The following SLC39A5 variants were observed in gnomAD, a reference collection of about 807,000 sequenced individuals.
SLC39A5 encodes solute carrier family 39 member 5.
Under a neutral mutation model 46.9 loss-of-function variants are expected in SLC39A5, and 42 were observed. That is an observed-to-expected ratio of 0.90 (90% CI 0.70 to 1.16). The LOEUF (loss-of-function observed/expected upper bound fraction) is 1.16. SLC39A5 is among the 50% of genes most tolerant of loss of function. SLC39A5 has a pLI of 0.00. For synonymous variants in SLC39A5, 311 were observed against 323.1 expected (o/e 0.96, Z 0.40); for missense variants, 677 against 686.8 (o/e 0.99, Z 0.16).
In SLC39A5 at chr12:56,235,225, C is replaced by G; in HGVS notation, c.703C>G (p.Arg235Gly). Residue 235 changes from arginine to glycine, a missense_variant, in exon 7 of 13, where the codon CGG becomes GGG. Arg to Gly is a moderately radical substitution (Grantham distance 125). Coordinates refer to ENST00000454355, the MANE Select transcript of SLC39A5 (RefSeq NM_173596.3). ...LPSPLSLLLL[R>G]LLGPRLLRPL... Reference sequence around the variant, plus strand: ...TTCTCCCCTATCCCTGCTGCTGCTGCGGCTCCTGGGACCTCGTCTACTACG... The same window carrying G: ...TTCTCCCCTATCCCTGCTGCTGCTGGGGCTCCTGGGACCTCGTCTACTACG... 2 of 1,584,898 alleles carry G rather than the reference C, an allele frequency of 1.3e-6. No individual in the cohort carries two copies. The highest frequency in any genetic ancestry group is 1.7e-6 in the Non-Finnish European group (2 of 1,167,118).
At chr12:56,232,615 A>T in intron 4 of SLC39A5, 74 bp from the exon 5 acceptor site, 1 of 1,395,984 alleles carries the variant, frequency 7.2e-7, no homozygotes, top group Non-Finnish European at 9.5e-7. Flanking sequence ...TTCCCCCTAA[A>T]ATCCCTGGGA....
At chr12:56,233,274 A>T (rs1870414318) in intron 5 of SLC39A5, among the ~76,000 whole-genome samples, 1 of 104,702 alleles carries the variant, frequency 9.6e-6, no homozygotes, top group African/African-American at 4.2e-5. Flanking sequence ...CAAAAAAAAA[A>T]AAAAAAAAAA....
At chr12:56,232,161 CTTTTT>C (rs767220492) in intron 4 of SLC39A5, among the ~76,000 whole-genome samples, 5,010 of 116,790 alleles carry the variant, frequency 0.043, 79 homozygotes, top group East Asian at 0.13. Flanking sequence ...CTTTTCTTTT[CTTTTT>C]TTTTTTTTTT....
chr12:56,237,111 C>T (rs768764585), intron 11 of SLC39A5, 39 bp from the exon 12 acceptor site: 13 of 1,612,690 alleles, frequency 8.1e-6, no homozygotes, highest in Non-Finnish European at 1.1e-5. Context: ...AGGGGCACCC[C>T]AGCTTACTCC....
chr12:56,237,686 A>T lies in SLC39A5; in HGVS notation c.1578A>T (p.Ile526=). ...TGGGGGGCGGCCTCATGCTTGCCAT[A>T]ACCCTGCTGGAGGAGCGGCTACTGC... ...LLLGGGLMLA[I]TLLEERLLPV... The change falls in exon 13 of 13, where the codon ATA becomes ATT. Residue 526 remains isoleucine, a synonymous_variant. Transcript: ENST00000454355. 2 of 1,600,990 alleles carry T rather than the reference A, an allele frequency of 1.2e-6. No homozygotes were observed. Among genetic ancestry groups the T allele is most frequent in the South Asian group, 1.1e-5 (1 of 89,672 alleles).
At chr12:56,235,778 C>T in intron 8 of SLC39A5, 78 bp downstream of exon 8, 2 of 1,586,174 alleles carry the variant, frequency 1.3e-6, no homozygotes, top group African/African-American at 1.3e-5. Flanking sequence ...GGCGCGGTGG[C>T]TCACGCCTGT....
Position 56,234,969 on chromosome 12 carries a change from C to T in SLC39A5, c.617C>T (p.Pro206Leu). The change falls in exon 6 of 13, where the codon CCA becomes CTA. Residue 206 changes from proline (P) to leucine (L), a missense_variant. Coordinates refer to ENST00000454355, the MANE Select transcript of SLC39A5 (RefSeq NM_173596.3). ...VCIGAPAPAP[P>L]GDLLSALLQS... is the part of the protein sequence containing the mutation. The stretch of plus-strand genomic sequence containing the variant: ...ATCGGCGCTCCGGCCCCTGCACCCC[C>T]AGGGGATCTACTATCTGGTCAGCAA... The T allele has an allele frequency of 1.2e-6, 2 of 1,613,450 alleles. No individual in the cohort carries two copies. Among genetic ancestry groups the T allele is most frequent in the South Asian group, 2.2e-5 (2 of 91,084 alleles).
chr12:56,232,847 C>A lies in SLC39A5; in HGVS notation c.446C>A (p.Ser149Ter). Residue 149 changes from serine to a stop codon, truncating the protein, a stop_gained, in exon 5 of 13, where the codon TCA becomes TAA. Transcript: ENST00000454355. LOFTEE classifies it high-confidence loss of function. ...CACAGGCTTCTGTTGCTGGACCACT[C>A]ATTGGCTGACCACCTGAATGAGGAT... ...LLHRLLLLDH[S>*]LADHLNEDCL... 1 of 1,612,188 alleles carries A rather than the reference C, an allele frequency of 6.2e-7. No individual in the cohort carries two copies. Among genetic ancestry groups the A allele is most frequent in the Non-Finnish European group, 8.5e-7 (1 of 1,179,234 alleles).
At chr12:56,231,623 C>T in intron 4 of SLC39A5, 62 bp downstream of exon 4, 2 of 1,471,896 alleles carry the variant, frequency 1.4e-6, no homozygotes, top group Non-Finnish European at 9.0e-7. Flanking sequence ...GTGCTTGCCC[C>T]CAGTTGCCTC....
rs565383795 is a variant in SLC39A5, at chr12:56,235,953, G to T, written c.945+253G>T. 4 of 516,264 alleles carry T rather than the reference G, an allele frequency of 7.7e-6. No individual in the cohort carries two copies. The South Asian group carries it at 8.7e-5, about 11-fold the overall frequency. 32.0% of individuals were successfully genotyped at this position (516,264 alleles called of 1,614,324 possible). On this transcript the variant is annotated intron_variant, in intron 8 of 12. Transcript: ENST00000454355. ...AGCTACTCAGGAGGCTGAGGCAGGA[G>T]AATCGCTTGACTTGGGAGGTGGAGG...
At position 56,231,439 on chromosome 12, in the gene SLC39A5, A is replaced by C. The variant is rs1870203778; in HGVS notation, c.165A>C (p.Ala55=). 3.1e-6 allele frequency: 5 copies of C among 1,614,088 alleles called. No homozygotes were observed. Among genetic ancestry groups the C allele is most frequent in the Non-Finnish European group, 4.2e-6 (5 of 1,180,004 alleles). Residue 55 remains alanine, a synonymous_variant, in exon 4 of 13, where the codon GCA becomes GCC. Coordinates refer to ENST00000454355, the MANE Select transcript of SLC39A5 (RefSeq NM_173596.3). ...ACGGCGAGAATGGGACGCTGACTGC[A>C]GGGGGCTTGGCGCGGCTTCTCCACA... ...GLYGENGTLT[A]GGLARLLHSL...
chr12:56,234,880 G>C lies in SLC39A5; in HGVS notation c.528G>C (p.Leu176=). 1.2e-6 allele frequency: 2 copies of C among 1,613,782 alleles called. No homozygotes were observed. Among genetic ancestry groups the C allele is most frequent in the Non-Finnish European group, 1.7e-6 (2 of 1,180,028 alleles). Residue 176 remains leucine (L), a synonymous_variant, in exon 6 of 13, where the codon CTG becomes CTC. Transcript: ENST00000454355. ...TTGGCTTGAGCCCCGCTGCTCCTCT[G>C]ACCCCTCGTCAGTTTGCTCTGCTGT... is the stretch of plus-strand genomic sequence containing the variant. ...VNFGLSPAAP[L]TPRQFALLCP... is the part of the protein sequence containing the mutation.
At position 56,231,415 on chromosome 12, in the gene SLC39A5, C is replaced by G. The variant is rs199624584; in HGVS notation, c.141C>G (p.Tyr47Ter). ...ACCTGGCCCAGCTGTTTGGCCTGTACGGCGAGAATGGGACGCTGACTGCAG... is the reference window on the plus strand; with the variant it reads ...ACCTGGCCCAGCTGTTTGGCCTGTAGGGCGAGAATGGGACGCTGACTGCAG... ...NHYLAQLFGL[Y>*]GENGTLTAGG... The change falls in exon 4 of 13, where the codon TAC (tyrosine) becomes TAG (stop). Residue 47 changes from tyrosine to a stop codon, truncating the protein, a stop_gained. Transcript: ENST00000454355. LOFTEE classifies it high-confidence loss of function. The G allele has an allele frequency of 4.3e-6, 7 of 1,614,088 alleles. No homozygotes were observed. In the East Asian group the frequency reaches 8.9e-5, roughly 21 times the overall value.
rs748096510 is a variant in SLC39A5 at position 56,234,935 on chromosome 12, C to T, written c.583C>T (p.Arg195Cys). ...AGCCCTGCTTTATCAGATCGACAGC[C>T]GCGTCTGCATCGGCGCTCCGGCCCC... is the stretch of plus-strand genomic sequence containing the variant. ...CPALLYQIDS[R>C]VCIGAPAPAP... is the part of the protein sequence containing the mutation. The change falls in exon 6 of 13, where the codon CGC becomes TGC. Residue 195 changes from arginine (R) to cysteine (C), a missense_variant. Arg to Cys is a radical substitution (Grantham distance 180). Transcript: ENST00000454355. 80 of 1,613,540 alleles carry T rather than the reference C, an allele frequency of 5.0e-5. No individual in the cohort carries two copies. In the Admixed American group the frequency reaches 1.0e-3, roughly 21 times the overall value.
rs756759271 is a variant in SLC39A5 at position 56,232,673 on chromosome 12, G to C, written c.288-16G>C. On this transcript the variant is annotated splice_polypyrimidine_tract_variant and intron_variant, in intron 4 of 12. Transcript: ENST00000454355. The stretch of plus-strand genomic sequence containing the variant: ...AGAACACAAGGGAGGCTGACTTGCT[G>C]TCTCATCCATTCCAGGCCACAGAAC... 8.2e-6 allele frequency: 13 copies of C among 1,583,344 alleles called. No homozygotes were observed. Among genetic ancestry groups the C allele is most frequent in the Non-Finnish European group, 1.0e-5 (12 of 1,169,444 alleles).
Position 56,232,700 on chromosome 12 carries a change from C to G in SLC39A5, c.299C>G (p.Pro100Arg), listed in dbSNP as rs1047196504. Residue 100 changes from proline to arginine, a missense_variant, in exon 5 of 13, where the codon CCT becomes CGT. Physicochemically the swap from Pro to Arg is moderately radical, Grantham distance 103 (BLOSUM62 -2). Coordinates refer to ENST00000454355, the MANE Select transcript of SLC39A5 (RefSeq NM_173596.3). ...CTCATCCATTCCAGGCCACAGAACC[C>G]TGAGCTGAGTGTGGATGTCTGGGCA... ...ADNSTHRPQN[P>R]ELSVDVWAGM... 70 of 1,607,886 alleles carry G rather than the reference C, an allele frequency of 4.4e-5. No homozygotes were observed. The highest frequency in any genetic ancestry group is 5.8e-5 in the Non-Finnish European group (68 of 1,177,684).
intron 3 of SLC39A5, 63 bp from the exon 4 acceptor site, chr12:56,231,141 G>C (rs1592372358): frequency 1.0e-6 from 1 of 989,916 alleles, no homozygotes; most frequent in African/African-American, 1.6e-5. Context: ...AGGAGCTCTG[G>C]CTCCCCCATG....
intron 4 of SLC39A5, 134 bp from the exon 5 acceptor site, chr12:56,232,555 T>G: frequency 2.7e-6 from 2 of 751,588 alleles, no homozygotes; most frequent in Non-Finnish European, 4.1e-6. Flanking sequence ...AAGAATGACA[T>G]TCCATGGTTT....
At position 56,237,816 on chromosome 12, in the gene SLC39A5, T is replaced by A; in HGVS notation, c.*85T>A. Reference sequence around the variant, plus strand: ...CGGGACACAGGGCCAGTAGGAGCAATAGGATTTTAATAAACAGAACCCATC... The same window carrying A: ...CGGGACACAGGGCCAGTAGGAGCAAAAGGATTTTAATAAACAGAACCCATC... On this transcript the variant is annotated 3_prime_UTR_variant, in exon 13 of 13. Transcript: ENST00000454355. 2.0e-5 allele frequency: 28 copies of A among 1,428,642 alleles called. No homozygotes were observed. Among genetic ancestry groups the A allele is most frequent in the Non-Finnish European group, 2.6e-5 (28 of 1,075,758 alleles). 88.5% of individuals were successfully genotyped at this position (1,428,642 alleles called of 1,614,324 possible). A position where few individuals can be genotyped will look rare whatever the true frequency, so the allele number is the denominator to read the frequency against.
Sources: gnomAD v4.1 joint callset for allele counts (sites outside exome capture counted in the v4.1 genomes callset) on GRCh38, gnomAD v4.1.1 for gene constraint, MANE v1.5 for transcripts, NCBI Gene and HGNC (gene_info 2026-07-23, HGNC 2026-07-21) for gene names.